The following DST variants were observed in gnomAD, a reference collection of about 807,000 sequenced individuals.
The protein encoded by DST is bullous pemphigoid antigen.
DST carries 253 observed loss-of-function variants against 875.2 expected under a neutral mutation model. That is an observed-to-expected ratio of 0.29 (90% CI 0.26 to 0.32). The LOEUF (loss-of-function observed/expected upper bound fraction) is 0.32. Among genes scored for constraint, DST ranks in the 10% least tolerant of loss-of-function variants. The probability of loss-of-function intolerance (pLI) is 1.00; values close to 1 mark genes in which losing one functional copy is unlikely to be tolerated. For missense variants in DST, 8,287 were observed against 9,111.6 expected, an observed-to-expected ratio of 0.91 and a Z score of 3.68; for synonymous variants, 3,124 against 3,197.1, an observed-to-expected ratio of 0.98 and a Z score of 0.77.
At chr6:56,909,936 T>C (rs1798125188) in intron 2 of DST, among the ~76,000 whole-genome samples, 1 of 152,212 alleles carries the variant, frequency 6.6e-6, no homozygotes, top group African/African-American at 2.4e-5. Flanking sequence ...AAAAGATTGG[T>C]CCTGGAAGTC....
intron 9 of DST, among the ~76,000 whole-genome samples, chr6:56,679,327 G>A (rs556592324): frequency 2.8e-4 from 42 of 151,972 alleles, no homozygotes; most frequent in Admixed American, 2.2e-3. Context: ...ATGTCTACCA[G>A]AGAAAAGCAT....
Position 56,604,344 on chromosome 6 carries a change from T to C in DST, c.10284A>G (p.Pro3428=), listed in dbSNP as rs1301907604. 3 of 1,612,482 alleles carry C rather than the reference T, an allele frequency of 1.9e-6. No homozygotes were observed. The highest frequency in any genetic ancestry group is 1.7e-4 in the Middle Eastern group (1 of 6,050). Residue 3428 remains proline, a synonymous_variant, in exon 40 of 104, where the codon CCA becomes CCG. Coordinates refer to ENST00000680361, the MANE Select transcript of DST (RefSeq NM_001374736.1). The part of the protein sequence containing the change: ...SPMTNSSELK[P]ESRDDPFCIG... ...TACAGAAAGGATCATCTCTACTTTCTGGCTTTAGTTCTGATGAGTTAGTCA... is the reference window on the plus strand; with the variant it reads ...TACAGAAAGGATCATCTCTACTTTCCGGCTTTAGTTCTGATGAGTTAGTCA...
rs200015992 is a variant in DST at position 56,619,238 on chromosome 6, T to G, written c.4930-4754A>C. On this transcript the variant is annotated intron_variant, in intron 36 of 103. Transcript: ENST00000680361. Reference sequence around the variant, plus strand: ...GATAGTTTGTTTCTCTAAAACTATATTCTCTGATTCTGCCTGAATTCTCTG... The same window carrying G: ...GATAGTTTGTTTCTCTAAAACTATAGTCTCTGATTCTGCCTGAATTCTCTG... The G allele has an allele frequency of 3.1e-5, 50 of 1,613,524 alleles. No individual in the cohort carries two copies. Among genetic ancestry groups the G allele is most frequent in the Non-Finnish European group, 1.4e-5 (17 of 1,179,944 alleles).
intron 3 of DST, among the ~76,000 whole-genome samples, chr6:56,883,320 A>G (rs1277563401): frequency 3.3e-5 from 5 of 152,228 alleles, no homozygotes; most frequent in South Asian, 2.1e-4. Context: ...TGTCTATTTT[A>G]TATTATTTGT....
At chr6:56,520,261 C>T (rs923241378) in intron 69 of DST, among the ~76,000 whole-genome samples, 2 of 152,002 alleles carry the variant, frequency 1.3e-5, no homozygotes, top group Non-Finnish European at 2.9e-5. Context: ...TGTGGAACTA[C>T]AACAAAAGTC....
rs2098145898 is a variant in DST, at chr6:56,586,251, C to A, written c.12903+5931G>T. On this transcript the variant is annotated intron_variant, in intron 49 of 103. Coordinates refer to ENST00000680361, the MANE Select transcript of DST (RefSeq NM_001374736.1). Reference sequence around the variant, plus strand: ...AGTCTAAGTCTCTTTGTAGGTCACTCAGGACTTGCTTTATGAATCTGGGTG... The same window carrying A: ...AGTCTAAGTCTCTTTGTAGGTCACTAAGGACTTGCTTTATGAATCTGGGTG... Among the ~76,000 whole-genome samples the A allele has an allele frequency of 2.0e-5, 3 of 150,978 alleles. No individual in the cohort carries two copies. In the South Asian group the frequency reaches 6.4e-4, roughly 32 times the overall value.
At chr6:56,952,256 G>A (rs566943238) in intron 2 of DST, among the ~76,000 whole-genome samples, 2 of 152,262 alleles carry the variant, frequency 1.3e-5, no homozygotes, top group African/African-American at 4.8e-5. Context: ...AGACATAGTT[G>A]TATCTCATTT....
intron 9 of DST, among the ~76,000 whole-genome samples, chr6:56,676,814 T>C (rs565057200): frequency 7.2e-5 from 11 of 151,988 alleles, no homozygotes; most frequent in Non-Finnish European, 1.0e-4. Flanking sequence ...CACTTATATG[T>C]AGAATCTAAA....
At chr6:56,786,586 G>A (rs901047362) in intron 4 of DST, among the ~76,000 whole-genome samples, 1 of 152,152 alleles carries the variant, frequency 6.6e-6, no homozygotes, top group East Asian at 1.9e-4. Context: ...AGGCTACAGT[G>A]CAGTGGCACA....
chr6:56,814,425 C>T (rs541803537), intron 4 of DST, among the ~76,000 whole-genome samples: 2 of 152,230 alleles, frequency 1.3e-5, no homozygotes, highest in East Asian at 3.9e-4. Flanking sequence ...TTGGGGATGT[C>T]GCTGCATTAA....
chr6:56,872,867 G>A (rs1338723719), intron 3 of DST, among the ~76,000 whole-genome samples: 4 of 143,482 alleles, frequency 2.8e-5, no homozygotes, highest in Admixed American at 7.2e-5. Flanking sequence ...CCAGCAGTGG[G>A]AACTACTATA....
chr6:56,718,579 C>T (rs1015992403), intron 5 of DST, among the ~76,000 whole-genome samples: 2 of 152,178 alleles, frequency 1.3e-5, no homozygotes, highest in Admixed American at 6.5e-5. Context: ...GAAATAAAAA[C>T]ATGTGTCTAC....
At chr6:56,467,962 TTATAG>T (rs1260214587) in intron 98 of DST, among the ~76,000 whole-genome samples, 1 of 152,172 alleles carries the variant, frequency 6.6e-6, no homozygotes, top group African/African-American at 2.4e-5. Flanking sequence ...CATTTCAGTA[TTATAG>T]TATAACTAAT....
intron 39 of DST, among the ~76,000 whole-genome samples, chr6:56,609,610 C>T (rs2098527462): frequency 6.6e-6 from 1 of 152,032 alleles, no homozygotes; most frequent in South Asian, 2.1e-4. Context: ...TGTATATTGA[C>T]AAGGTTAGTG....
chr6:56,482,527 T>C (rs1318974492), intron 89 of DST, 156 bp downstream of exon 89: 4 of 674,684 alleles, frequency 5.9e-6, no homozygotes, highest in Non-Finnish European at 9.3e-6. Context: ...TGAGGGAGGG[T>C]GGGAGAAGGA....
At chr6:56,706,862 G>A (rs533452476) in intron 5 of DST, among the ~76,000 whole-genome samples, 4 of 152,226 alleles carry the variant, frequency 2.6e-5, no homozygotes, top group Admixed American at 6.5e-5. Context: ...AAAATTAGCC[G>A]GGCAATGTGG....
At chr6:56,745,947 G>A (rs1461754787) in intron 4 of DST, among the ~76,000 whole-genome samples, 1 of 152,138 alleles carries the variant, frequency 6.6e-6, no homozygotes, top group Non-Finnish European at 1.5e-5. Flanking sequence ...CCAAGCTACC[G>A]TAATGTGGGT....
At chr6:56,948,577 T>A (rs1241089332) in intron 2 of DST, among the ~76,000 whole-genome samples, 1 of 152,160 alleles carries the variant, frequency 6.6e-6, no homozygotes, top group Non-Finnish European at 1.5e-5. Context: ...TTCCACTCAA[T>A]ATTTTCACAC....
intron 4 of DST, among the ~76,000 whole-genome samples, chr6:56,790,177 T>C (rs2099715717): frequency 6.6e-6 from 1 of 152,192 alleles, no homozygotes; most frequent in African/African-American, 2.4e-5. Flanking sequence ...AGCCGGAATT[T>C]TTCTTGCCAG....
Sources: gnomAD v4.1 joint callset for allele counts (sites outside exome capture counted in the v4.1 genomes callset) on GRCh38, gnomAD v4.1.1 for gene constraint, MANE v1.5 for transcripts, NCBI Gene and HGNC (gene_info 2026-07-23, HGNC 2026-07-21) for gene names.